The following RAPGEF2 variants were observed in gnomAD, a reference collection of about 807,000 sequenced individuals.
RAPGEF2 encodes the protein PDZ domain containing guanine nucleotide exchange factor (GEF) 1.
A neutral mutation model predicts 186.7 loss-of-function variants in RAPGEF2; 54 were observed. The observed-to-expected ratio is 0.29, with a 90% CI of 0.23 to 0.36. The LOEUF (loss-of-function observed/expected upper bound fraction) is 0.36. Among genes scored for constraint, RAPGEF2 ranks in the 10% least tolerant of loss-of-function variants. The probability of loss-of-function intolerance (pLI) is 1.00; values close to 1 mark genes in which losing one functional copy is unlikely to be tolerated. For synonymous variants in RAPGEF2, 712 were observed against 705.9 expected, an observed-to-expected ratio of 1.01 and a Z score of -0.14; for missense variants, 1,532 against 2,045.0, an observed-to-expected ratio of 0.75 and a Z score of 4.84.
chr4:159,299,166 G>A (rs1370999609), intron 7 of RAPGEF2, among the ~76,000 whole-genome samples: 1 of 152,072 alleles, frequency 6.6e-6, no homozygotes, highest in Non-Finnish European at 1.5e-5. Flanking sequence ...TAGTCACTAA[G>A]TGTGATATTT....
intron 7 of RAPGEF2, among the ~76,000 whole-genome samples, chr4:159,302,806 T>C (rs1359926531): frequency 6.6e-6 from 1 of 151,948 alleles, no homozygotes; most frequent in Non-Finnish European, 1.5e-5. Context: ...TTTTTATTAT[T>C]ATACTGTAAG....
intron 4 of RAPGEF2, among the ~76,000 whole-genome samples, chr4:159,226,574 A>G (rs1752055000): frequency 6.6e-6 from 1 of 152,198 alleles, no homozygotes; most frequent in African/African-American, 2.4e-5. Context: ...AAAGATTACT[A>G]TCTTAACAAT....
chr4:159,118,602 T>G (rs1300065555), intron 1 of RAPGEF2, among the ~76,000 whole-genome samples: 1 of 152,148 alleles, frequency 6.6e-6, no homozygotes, highest in African/African-American at 2.4e-5. Flanking sequence ...TATTTTTTTT[T>G]GAGACAAAGT....
intron 4 of RAPGEF2, among the ~76,000 whole-genome samples, chr4:159,225,293 G>T (rs571324044): frequency 6.6e-6 from 1 of 152,264 alleles, no homozygotes; most frequent in South Asian, 2.1e-4. Context: ...GTCTATTTTA[G>T]CAAGCCATAC....
At chr4:159,197,306 A>G (rs9997385) in intron 3 of RAPGEF2, among the ~76,000 whole-genome samples, 68,989 of 152,044 alleles carry the variant, frequency 0.45, 16,545 homozygotes, top group African/African-American at 0.61. Flanking sequence ...TTGTTTCTTA[A>G]TGGCCAGCTA....
intron 1 of RAPGEF2, among the ~76,000 whole-genome samples, chr4:159,148,278 T>A (rs979121828): frequency 6.6e-6 from 1 of 152,210 alleles, no homozygotes; most frequent in African/African-American, 2.4e-5. Flanking sequence ...TGACCCTGAG[T>A]GCCAGTCTTT....
At position 159,187,616 on chromosome 4, in the gene RAPGEF2, TGC is replaced by T. The variant is rs1314209696; in HGVS notation, c.140+905_140+906del. 8.8e-3 allele frequency among the ~76,000 whole-genome samples: 1,341 copies of T among 152,348 alleles called. 20 individuals carry two copies. Among genetic ancestry groups the T allele is most frequent in the Admixed American group, 0.045 (696 of 15,308 alleles). ...ATACTATATTTGTTTTTATGAGATC[TGC>T]CCATATAGAAATCTCATCACTTCTG... On this transcript the variant is annotated intron_variant, in intron 2 of 29. Coordinates refer to ENST00000691494, the MANE Select transcript of RAPGEF2 (RefSeq NM_001394067.2).
At chr4:159,272,171 T>G (rs556119222) in intron 7 of RAPGEF2, among the ~76,000 whole-genome samples, 1 of 152,324 alleles carries the variant, frequency 6.6e-6, no homozygotes, top group Non-Finnish European at 1.5e-5. Flanking sequence ...ACTTCAATCA[T>G]GATCACCTCC....
chr4:159,278,951 A>T (rs1482449934), intron 7 of RAPGEF2, among the ~76,000 whole-genome samples: 2 of 152,140 alleles, frequency 1.3e-5, no homozygotes. Flanking sequence ...GAGACAGTAC[A>T]CTTGAGTACA....
Position 159,314,687 on chromosome 4 carries a change from G to A in RAPGEF2, c.772G>A (p.Ala258Thr), listed in dbSNP as rs1183511698. 6.2e-7 allele frequency: 1 copy of A among 1,613,912 alleles called. No homozygotes were observed. The highest frequency in any genetic ancestry group is 8.5e-7 in the Non-Finnish European group (1 of 1,179,860). The part of the protein sequence containing the change: ...DDDDEEDIER[A>T]SDPLMSRDIV... ...CGACGATGAAGAAGACATTGAGAGA[G>A]CATCAGATCCTCTGATGAGCAGGGA... The change falls in exon 9 of 30, where the codon GCA (alanine) becomes ACA (threonine). Residue 258 changes from alanine to threonine, a missense_variant. Transcript: ENST00000691494.
At chr4:159,151,083 CTTTCCTA>C (rs1301160809) in intron 1 of RAPGEF2, among the ~76,000 whole-genome samples, 2 of 152,210 alleles carry the variant, frequency 1.3e-5, no homozygotes, top group African/African-American at 4.8e-5. Flanking sequence ...TTATATTGTA[CTTTCCTA>C]TTTCCTATAC....
chr4:159,134,272 A>T (rs956373334), intron 1 of RAPGEF2, among the ~76,000 whole-genome samples: 1 of 152,198 alleles, frequency 6.6e-6, no homozygotes, highest in Non-Finnish European at 1.5e-5. Flanking sequence ...TTCACTAAGC[A>T]CAAGCTTTTG....
At chr4:159,146,982 A>G (rs1743020933) in intron 1 of RAPGEF2, among the ~76,000 whole-genome samples, 2 of 152,168 alleles carry the variant, frequency 1.3e-5, no homozygotes, top group African/African-American at 4.8e-5. Context: ...TTTTGTAGAG[A>G]TGGATTGGTT....
At chr4:159,305,800 T>G (rs1763209811) in intron 8 of RAPGEF2, among the ~76,000 whole-genome samples, 1 of 152,130 alleles carries the variant, frequency 6.6e-6, no homozygotes, top group African/African-American at 2.4e-5. Context: ...TTTTATAGCT[T>G]TGGGTCTTAA....
intron 1 of RAPGEF2, among the ~76,000 whole-genome samples, chr4:159,168,323 T>A (rs1056562411): frequency 6.6e-6 from 1 of 152,198 alleles, no homozygotes; most frequent in African/African-American, 2.4e-5. Context: ...TTCAAAGGAA[T>A]GTATTTCCAG....
At chr4:159,247,949 A>G (rs917545324) in intron 7 of RAPGEF2, among the ~76,000 whole-genome samples, 8 of 151,388 alleles carry the variant, frequency 5.3e-5, no homozygotes, top group Admixed American at 6.6e-5. Context: ...TTTAGTAGAG[A>G]CAAGGTTTCT....
At chr4:159,268,224 C>T (rs896660569) in intron 7 of RAPGEF2, 21 of 1,561,166 alleles carry the variant, frequency 1.3e-5, no homozygotes, top group Middle Eastern at 1.7e-4. Flanking sequence ...CAGTAAGTAT[C>T]GCAAATGCTG....
intron 3 of RAPGEF2, 61 bp downstream of exon 3, chr4:159,193,317 TA>T: frequency 9.2e-7 from 1 of 1,082,736 alleles, no homozygotes; most frequent in Non-Finnish European, 1.3e-6. Flanking sequence ...TTTCTTAAAG[TA>T]TCAAAGGAGT....
chr4:159,257,314 A>G (rs1756295489), intron 7 of RAPGEF2, among the ~76,000 whole-genome samples: 1 of 152,224 alleles, frequency 6.6e-6, no homozygotes, highest in Admixed American at 6.5e-5. Context: ...GAAACCTCAC[A>G]ATCATGGCAG....
Sources: gnomAD v4.1 joint callset for allele counts (sites outside exome capture counted in the v4.1 genomes callset) on GRCh38, gnomAD v4.1.1 for gene constraint, MANE v1.5 for transcripts, NCBI Gene and HGNC (gene_info 2026-07-23, HGNC 2026-07-21) for gene names.